The following EVA1A variants were observed in gnomAD, a reference collection of about 807,000 sequenced individuals.
The protein encoded by EVA1A is eva-1 homolog A, regulator of programmed cell death.
A neutral mutation model predicts 9.8 loss-of-function variants in EVA1A; 7 were observed. The observed-to-expected ratio is 0.71, with a 90% CI of 0.41 to 1.34. The LOEUF is 1.34. EVA1A is among the 40% of genes most tolerant of loss of function. The pLI is 0.01. For synonymous variants in EVA1A, 90 were observed against 85.6 expected (o/e 1.05, Z -0.28); for missense variants, 206 against 205.9 (o/e 1.00, Z 0.00).
intron 1 of EVA1A, among the ~76,000 whole-genome samples, chr2:75,546,366 T>G (rs1187662978): frequency 6.6e-6 from 1 of 152,110 alleles, no homozygotes; most frequent in African/African-American, 2.4e-5. Context: ...TATGAACTAA[T>G]GAATGAATGA....
chr2:75,557,999 T>TG (rs1316362277), intron 1 of EVA1A, among the ~76,000 whole-genome samples: 1 of 152,240 alleles, frequency 6.6e-6, no homozygotes, highest in Non-Finnish European at 1.5e-5. Context: ...AAAGAGTATG[T>TG]GTTTTGAAAT....
chr2:75,538,528 G>A (rs1572979501), intron 1 of EVA1A, among the ~76,000 whole-genome samples: 1 of 152,144 alleles, frequency 6.6e-6, no homozygotes, highest in South Asian at 2.1e-4. Context: ...AACTTTTTGG[G>A]ACTGGGTACA....
At chr2:75,567,762 G>A (rs965530215) in intron 1 of EVA1A, among the ~76,000 whole-genome samples, 6 of 152,172 alleles carry the variant, frequency 3.9e-5, no homozygotes, top group African/African-American at 9.7e-5. Context: ...TGCCCAAATC[G>A]GAGTGATTTC....
chr2:75,524,737 A>C (rs571370855), intron 1 of EVA1A, among the ~76,000 whole-genome samples: 1 of 151,930 alleles, frequency 6.6e-6, no homozygotes, highest in Non-Finnish European at 1.5e-5. Flanking sequence ...CCTCCCTTCC[A>C]TCTCATTCTG....
intron 1 of EVA1A, among the ~76,000 whole-genome samples, chr2:75,535,117 G>A (rs1204206884): frequency 6.6e-6 from 1 of 151,872 alleles, no homozygotes; most frequent in Non-Finnish European, 1.5e-5. Context: ...GTGGGCAAAT[G>A]ATATAAATAG....
At chr2:75,531,872 C>A (rs545211051) in intron 1 of EVA1A, among the ~76,000 whole-genome samples, 105 of 152,164 alleles carry the variant, frequency 6.9e-4, no homozygotes, top group African/African-American at 2.5e-3. Context: ...AACTTATCCA[C>A]GTAATGGCTG....
At chr2:75,518,264 T>G in intron 2 of EVA1A, 56 bp from the exon 3 acceptor site, 1 of 1,467,088 alleles carries the variant, frequency 6.8e-7, no homozygotes. Flanking sequence ...TGAGGCCATG[T>G]TCCAGGTAGC....
At chr2:75,523,810 A>G (rs1233222512) in intron 1 of EVA1A, among the ~76,000 whole-genome samples, 1 of 152,192 alleles carries the variant, frequency 6.6e-6, no homozygotes, top group Non-Finnish European at 1.5e-5. Flanking sequence ...TGTTTGCTGG[A>G]TGAATGACTC....
intron 3 of EVA1A, among the ~76,000 whole-genome samples, chr2:75,514,917 C>G (rs1445256621): frequency 6.6e-6 from 1 of 152,124 alleles, no homozygotes; most frequent in African/African-American, 2.4e-5. Context: ...ATTCACAATT[C>G]CATCAGCACG....
intron 1 of EVA1A, among the ~76,000 whole-genome samples, chr2:75,553,290 C>A (rs58264032): frequency 6.6e-6 from 1 of 152,332 alleles, no homozygotes; most frequent in African/African-American, 2.4e-5. Flanking sequence ...CCTGTGATTG[C>A]CTCTAGTGTG....
intron 3 of EVA1A, among the ~76,000 whole-genome samples, chr2:75,507,546 C>T (rs796515735): frequency 1.3e-5 from 2 of 152,166 alleles, no homozygotes; most frequent in Admixed American, 6.5e-5. Flanking sequence ...CCAGCCTCCT[C>T]CCTAGTGAAA....
chr2:75,557,766 A>G (rs981064034), intron 1 of EVA1A, among the ~76,000 whole-genome samples: 1 of 152,192 alleles, frequency 6.6e-6, no homozygotes, highest in Non-Finnish European at 1.5e-5. Flanking sequence ...CTAGGAACTA[A>G]CCCCAATGTC....
intron 1 of EVA1A, among the ~76,000 whole-genome samples, chr2:75,555,685 A>G (rs1256519156): frequency 6.6e-6 from 1 of 152,074 alleles, no homozygotes; most frequent in Non-Finnish European, 1.5e-5. Flanking sequence ...TGAGCTTTAA[A>G]TGCCCACTCC....
chr2:75,515,849 G>A (rs1159183489), intron 3 of EVA1A, among the ~76,000 whole-genome samples: 1 of 151,992 alleles, frequency 6.6e-6, no homozygotes, highest in South Asian at 2.1e-4. Flanking sequence ...TCTCCCACAA[G>A]GTTACCAAGC....
rs375111552 is a variant in EVA1A, at chr2:75,493,628, G to T, written c.86-19C>A. The T allele has an allele frequency of 1.9e-6, 3 of 1,561,554 alleles. No homozygotes were observed. Among genetic ancestry groups the T allele is most frequent in the Non-Finnish European group, 1.7e-6 (2 of 1,152,476 alleles). On this transcript the variant is annotated intron_variant, in intron 3 of 3. Transcript: ENST00000393913. Reference sequence around the variant, plus strand: ...GGATTTTCTGGAGGAAGAAGAGGAAGAAGCAAGCATTTGAGAGATGACAAC... The same window carrying T: ...GGATTTTCTGGAGGAAGAAGAGGAATAAGCAAGCATTTGAGAGATGACAAC...
At chr2:75,543,142 C>T (rs1396794243) in intron 1 of EVA1A, among the ~76,000 whole-genome samples, 2 of 152,250 alleles carry the variant, frequency 1.3e-5, no homozygotes, top group Admixed American at 1.3e-4. Flanking sequence ...ACGATACATG[C>T]GCTTGAATAA....
At chr2:75,555,785 C>T (rs1307468124) in intron 1 of EVA1A, among the ~76,000 whole-genome samples, 4 of 152,202 alleles carry the variant, frequency 2.6e-5, no homozygotes, top group Non-Finnish European at 5.9e-5. Context: ...CCAGTCCCCA[C>T]CATATGCCTA....
Position 75,492,646 on chromosome 2 carries a change from A to T in EVA1A, c.*590T>A, listed in dbSNP as rs2103755553. On this transcript the variant is annotated 3_prime_UTR_variant, in exon 4 of 4. Coordinates refer to ENST00000393913, the MANE Select transcript of EVA1A (RefSeq NM_001135032.2). Reference sequence around the variant, plus strand: ...CTCCCATAATACAATAGTTCTATTCATTTTCATGAATGAGGTGGGAACTAC... The same window carrying T: ...CTCCCATAATACAATAGTTCTATTCTTTTTCATGAATGAGGTGGGAACTAC... 1 of 152,790 alleles carries T rather than the reference A, an allele frequency of 6.5e-6. No homozygotes were observed. Among genetic ancestry groups the T allele is most frequent in the East Asian group, 1.9e-4 (1 of 5,182 alleles). 9.5% of individuals were successfully genotyped at this position (152,790 alleles called of 1,614,324 possible). A position where few individuals can be genotyped will look rare whatever the true frequency, so the allele number is the denominator to read the frequency against.
intron 1 of EVA1A, among the ~76,000 whole-genome samples, chr2:75,539,222 A>G (rs1041930440): frequency 5.9e-5 from 9 of 151,770 alleles, no homozygotes; most frequent in African/African-American, 2.2e-4. Context: ...AAGGGATAGA[A>G]AATGTTTTAT....
Sources: gnomAD v4.1 joint callset for allele counts (sites outside exome capture counted in the v4.1 genomes callset) on GRCh38, gnomAD v4.1.1 for gene constraint, MANE v1.5 for transcripts, NCBI Gene and HGNC (gene_info 2026-07-23, HGNC 2026-07-21) for gene names.